DDAH1: variants seen among roughly 807,000 people sequenced by gnomAD.
The protein encoded by DDAH1 is dimethylarginine dimethylaminohydrolase 1.
DDAH1 carries 19 observed loss-of-function variants against 28.8 expected under a neutral mutation model. That is an observed-to-expected ratio of 0.66 (90% CI 0.46 to 0.97). The LOEUF (loss-of-function observed/expected upper bound fraction) is 0.97. DDAH1 is among the 50% of genes least tolerant of loss of function. DDAH1 has a pLI of 0.00. For synonymous variants in DDAH1, 153 were observed against 154.4 expected (o/e 0.99, Z 0.07); for missense variants, 326 against 375.9 (o/e 0.87, Z 1.10).
At chr1:85,368,625 T>G (rs1212493523) in intron 1 of DDAH1, among the ~76,000 whole-genome samples, 1 of 152,204 alleles carries the variant, frequency 6.6e-6, no homozygotes, top group Non-Finnish European at 1.5e-5. Flanking sequence ...CCACTGACGT[T>G]CTGTCTGCAG....
At chr1:85,398,311 A>G (rs1185981809) in intron 1 of DDAH1, 1 of 152,234 alleles carries the variant, frequency 6.6e-6, no homozygotes, top group East Asian at 1.9e-4. Flanking sequence ...GTTTAATGAG[A>G]CGAAACTTAT....
chr1:85,402,834 G>A (rs1180106656), intron 1 of DDAH1, among the ~76,000 whole-genome samples: 4 of 151,240 alleles, frequency 2.6e-5, no homozygotes, highest in East Asian at 1.9e-4. Flanking sequence ...GCGTGAACCC[G>A]GGAGGCAGAG....
chr1:85,427,900 G>C (rs1426914302), intron 1 of DDAH1, among the ~76,000 whole-genome samples: 1 of 152,186 alleles, frequency 6.6e-6, no homozygotes, highest in Non-Finnish European at 1.5e-5. Flanking sequence ...CAGTCTGTCA[G>C]GTGTCAAATG....
chr1:85,456,143 A>G (rs916700606), intron 1 of DDAH1, among the ~76,000 whole-genome samples: 2 of 152,048 alleles, frequency 1.3e-5, no homozygotes, highest in East Asian at 1.9e-4. Flanking sequence ...CACTGCAAAA[A>G]TCAAAACCAG....
chr1:85,342,357 G>C (rs1375101678), intron 4 of DDAH1, among the ~76,000 whole-genome samples: 1 of 151,806 alleles, frequency 6.6e-6, no homozygotes, highest in East Asian at 1.9e-4. Context: ...CACACAGTAA[G>C]ATCAGGTCCT....
chr1:85,576,711 A>G lies in DDAH1; in HGVS notation c.-123+1273T>C, dbSNP rs1659616084. 2.0e-5 allele frequency: 3 copies of G among 152,650 alleles called. 1 individual carries two copies. Among genetic ancestry groups the G allele is most frequent in the South Asian group, 4.1e-4 (2 of 4,838 alleles). 9.5% of individuals were successfully genotyped at this position (152,650 alleles called of 1,614,324 possible). A position where few individuals can be genotyped will look rare whatever the true frequency, so the allele number is the denominator to read the frequency against. On this transcript the variant is annotated intron_variant, in intron 1 of 6. Transcript: ENST00000426972. ...GCTGCCCCGCTGGGAGGACTAGTCA[A>G]CAGGGGGGCGGACGGGAAAAGTGAC...
At chr1:85,467,969 T>G (rs1177402881), upstream of DDAH1, among the ~76,000 whole-genome samples, 1 of 152,182 alleles carries the variant, frequency 6.6e-6, no homozygotes, top group African/African-American at 2.4e-5. Flanking sequence ...AAGAGAGATC[T>G]ATCTCTATGG....
chr1:85,456,046 C>T (rs1654865620), intron 1 of DDAH1, among the ~76,000 whole-genome samples: 2 of 152,008 alleles, frequency 1.3e-5, no homozygotes, highest in South Asian at 4.1e-4. Context: ...ATCTTCTTAT[C>T]TCTTTCCCAC....
chr1:85,465,095 T>C lies in DDAH1; in HGVS notation c.-50A>G, dbSNP rs1655313433. ...GGCGGCGGCGGAGGCGGCCGGGTCC[T>C]GCCGCGGGCAGCGCGCGCTGAGCCT... On this transcript the variant is annotated 5_prime_UTR_variant, in exon 1 of 6. Transcript: ENST00000284031. 4 of 1,199,938 alleles carry C rather than the reference T, an allele frequency of 3.3e-6. No homozygotes were observed. Among genetic ancestry groups the C allele is most frequent in the Non-Finnish European group, 4.1e-6 (4 of 968,576 alleles). 74.3% of individuals were successfully genotyped at this position (1,199,938 alleles called of 1,614,324 possible).
chr1:85,496,906 A>G (rs1656612973), intron 1 of DDAH1, among the ~76,000 whole-genome samples: 1 of 152,232 alleles, frequency 6.6e-6, no homozygotes, highest in Non-Finnish European at 1.5e-5. Flanking sequence ...CTAATACTAT[A>G]AAACTAATAT....
intron 1 of DDAH1, among the ~76,000 whole-genome samples, chr1:85,526,128 T>C (rs1221017873): frequency 6.6e-6 from 1 of 152,168 alleles, no homozygotes; most frequent in Non-Finnish European, 1.5e-5. Context: ...ACAAAGGACA[T>C]GGAAATGTAA....
intron 1 of DDAH1, among the ~76,000 whole-genome samples, chr1:85,401,909 TAAAAG>T (rs1449937156): frequency 6.6e-6 from 1 of 152,216 alleles, no homozygotes; most frequent in Non-Finnish European, 1.5e-5. Flanking sequence ...CTATCTTACT[TAAAAG>T]AAAACATTTT....
intron 1 of DDAH1, among the ~76,000 whole-genome samples, chr1:85,454,076 A>C (rs13373844): frequency 0.25 from 38,396 of 151,740 alleles, 5,086 homozygotes; most frequent in Admixed American, 0.3. Flanking sequence ...ACTGGGTACA[A>C]CCCCTGGCAA....
At chr1:85,546,707 G>C (rs1347720190) in intron 1 of DDAH1, among the ~76,000 whole-genome samples, 1 of 152,104 alleles carries the variant, frequency 6.6e-6, no homozygotes, top group Non-Finnish European at 1.5e-5. Flanking sequence ...TGATTTGTAA[G>C]AGGTGGGGAG....
At chr1:85,482,098 C>T (rs1656032880) in intron 2 of DDAH1, among the ~76,000 whole-genome samples, 1 of 152,170 alleles carries the variant, frequency 6.6e-6, no homozygotes, top group Non-Finnish European at 1.5e-5. Context: ...AAGGTTCTTT[C>T]CAACCCTGTT....
chr1:85,526,233 G>T (rs1282363977), intron 1 of DDAH1, among the ~76,000 whole-genome samples: 1 of 152,156 alleles, frequency 6.6e-6, no homozygotes, highest in Admixed American at 6.6e-5. Context: ...AGAGAGACGA[G>T]GAGAGAAAAA....
chr1:85,526,301 G>T (rs1657869976), intron 1 of DDAH1, among the ~76,000 whole-genome samples: 1 of 152,190 alleles, frequency 6.6e-6, no homozygotes, highest in Non-Finnish European at 1.5e-5. Flanking sequence ...TGTTTGCAGT[G>T]ACAATGATCC....
intron 1 of DDAH1, among the ~76,000 whole-genome samples, chr1:85,460,181 T>A (rs1034259705): frequency 6.6e-6 from 1 of 152,244 alleles, no homozygotes; most frequent in Non-Finnish European, 1.5e-5. Context: ...TTAGACATTA[T>A]CTTGATGTTC....
intron 1 of DDAH1, among the ~76,000 whole-genome samples, chr1:85,369,530 G>A (rs1650265609): frequency 6.6e-6 from 1 of 152,150 alleles, no homozygotes; most frequent in Non-Finnish European, 1.5e-5. Flanking sequence ...ACCCGCAGGT[G>A]AGAAAACTAC....
Sources: allele counts gnomAD v4.1 joint callset (sites outside exome capture counted in the v4.1 genomes callset), GRCh38; gene constraint gnomAD v4.1.1; transcripts MANE v1.5; gene names NCBI Gene and HGNC (gene_info 2026-07-23, HGNC 2026-07-21).